The following LAMA2 variants were observed in gnomAD, a reference collection of about 807,000 sequenced individuals.
LAMA2 encodes the protein laminin subunit alpha-2.
In LAMA2, 269 loss-of-function variants were observed where a neutral mutation model predicts 364.8. The observed-to-expected ratio is 0.74, with a 90% confidence interval of 0.67 to 0.82. The LOEUF is 0.82. Ranked by LOEUF, LAMA2 falls within the 40% of genes least tolerant of loss-of-function variation. The pLI is 0.00. For synonymous variants in LAMA2, 1,379 were observed against 1,370.6 expected, an observed-to-expected ratio of 1.01 and a Z score of -0.14; for missense variants, 3,807 against 3,873.2, an observed-to-expected ratio of 0.98 and a Z score of 0.45.
At chr6:129,464,571 G>A in intron 50 of LAMA2, 119 bp downstream of exon 50, 1 of 916,036 alleles carries the variant, frequency 1.1e-6, no homozygotes, top group South Asian at 1.3e-5. Flanking sequence ...AAAAGCCTGG[G>A]ATGATTGTCT....
chr6:129,373,879 A>T (rs1304545319), intron 34 of LAMA2, among the ~76,000 whole-genome samples: 1 of 152,164 alleles, frequency 6.6e-6, no homozygotes, highest in Non-Finnish European at 1.5e-5. Context: ...GACCCTGATC[A>T]CCTGACTAAC....
intron 12 of LAMA2, among the ~76,000 whole-genome samples, chr6:129,220,633 T>C (rs1334253635): frequency 6.6e-6 from 1 of 152,246 alleles, no homozygotes; most frequent in African/African-American, 2.4e-5. Flanking sequence ...TTGAAGCTTT[T>C]TGTTAAATAT....
intron 1 of LAMA2, among the ~76,000 whole-genome samples, chr6:129,046,359 G>A (rs570164225): frequency 2.0e-5 from 3 of 152,256 alleles, no homozygotes; most frequent in African/African-American, 7.2e-5. Context: ...CACATGGCTG[G>A]GGAGGTCTCA....
intron 58 of LAMA2, among the ~76,000 whole-genome samples, chr6:129,497,553 G>A (rs1785285617): frequency 6.6e-6 from 1 of 152,180 alleles, no homozygotes; most frequent in African/African-American, 2.4e-5. Context: ...AGCTTTTTAA[G>A]AGTTGTTATT....
chr6:128,896,371 C>G (rs1311404742), intron 1 of LAMA2, among the ~76,000 whole-genome samples: 1 of 149,848 alleles, frequency 6.7e-6, no homozygotes, highest in Non-Finnish European at 1.5e-5. Flanking sequence ...GAATCCATGT[C>G]CTGGTCCTGC....
chr6:129,136,589 C>A (rs1432152127), intron 4 of LAMA2, among the ~76,000 whole-genome samples: 17 of 149,898 alleles, frequency 1.1e-4, no homozygotes, highest in African/African-American at 1.2e-4. Flanking sequence ...GCTGCACAAA[C>A]CTTTTAACTA....
At chr6:129,297,584 C>CTAAG in intron 20 of LAMA2, 101 bp from the exon 21 acceptor site, 1 of 1,101,424 alleles carries the variant, frequency 9.1e-7, no homozygotes, top group South Asian at 1.3e-5. Context: ...CTGATAACTC[C>CTAAG]TAAGTTCCTC....
intron 1 of LAMA2, among the ~76,000 whole-genome samples, chr6:128,944,076 T>C (rs1780344785): frequency 6.6e-6 from 1 of 152,190 alleles, no homozygotes; most frequent in Non-Finnish European, 1.5e-5. Flanking sequence ...CTTAGGGGGC[T>C]TAGTGGACAG....
At chr6:129,446,698 G>T (rs937470798) in intron 45 of LAMA2, among the ~76,000 whole-genome samples, 1 of 151,958 alleles carries the variant, frequency 6.6e-6, no homozygotes, top group Non-Finnish European at 1.5e-5. Flanking sequence ...AACAACTTTG[G>T]AACTAGGATG....
At chr6:129,106,149 G>T (rs528561599) in intron 4 of LAMA2, among the ~76,000 whole-genome samples, 1 of 149,402 alleles carries the variant, frequency 6.7e-6, no homozygotes, top group East Asian at 1.9e-4. Context: ...AAATCTTGAA[G>T]ACACTTTTTT....
At chr6:129,089,513 T>A (rs1487709569) in intron 3 of LAMA2, among the ~76,000 whole-genome samples, 1 of 152,224 alleles carries the variant, frequency 6.6e-6, no homozygotes, top group Non-Finnish European at 1.5e-5. Context: ...TCTGTGACAG[T>A]TTCATTGAAA....
At chr6:129,042,087 T>A (rs1787141044) in intron 1 of LAMA2, among the ~76,000 whole-genome samples, 1 of 151,004 alleles carries the variant, frequency 6.6e-6, no homozygotes, top group South Asian at 2.1e-4. Context: ...GGTGGATCAG[T>A]TGAGGTCAGG....
intron 40 of LAMA2, among the ~76,000 whole-genome samples, chr6:129,413,281 A>C (rs1780626369): frequency 6.6e-6 from 1 of 152,188 alleles, no homozygotes; most frequent in East Asian, 1.9e-4. Flanking sequence ...GGTCATAATA[A>C]CAAAGCCTAT....
At chr6:128,901,753 A>G (rs1582632411) in intron 1 of LAMA2, among the ~76,000 whole-genome samples, 1 of 152,218 alleles carries the variant, frequency 6.6e-6, no homozygotes, top group East Asian at 1.9e-4. Flanking sequence ...TTTTAAAAGA[A>G]GTATTTAATA....
intron 1 of LAMA2, among the ~76,000 whole-genome samples, chr6:128,908,798 C>G (rs1165742654): frequency 6.7e-6 from 1 of 149,884 alleles, no homozygotes; most frequent in Non-Finnish European, 1.5e-5. Context: ...CCTCTACACA[C>G]TGCTTTGAAT....
In LAMA2 at chr6:129,313,061, C is replaced by T; in HGVS notation, c.3375C>T (p.Cys1125=). 1.9e-6 allele frequency: 3 copies of T among 1,612,496 alleles called. No individual in the cohort carries two copies. Among genetic ancestry groups the T allele is most frequent in the Non-Finnish European group, 2.5e-6 (3 of 1,178,592 alleles). The change falls in exon 23 of 65, where the codon TGC becomes TGT. Residue 1125 remains cysteine, a synonymous_variant. Coordinates refer to ENST00000421865, the MANE Select transcript of LAMA2 (RefSeq NM_000426.4). ...ATTCDSETKK[C]SCSDQTGQCT... ...CCTGTGATTCAGAGACTAAAAAATG[C>T]TCCTGTAGTGATCAAACTGGGCAGT...
chr6:129,031,788 C>T (rs1174688165), intron 1 of LAMA2, among the ~76,000 whole-genome samples: 1 of 151,700 alleles, frequency 6.6e-6, no homozygotes, highest in African/African-American at 2.4e-5. Flanking sequence ...AACAGGCACA[C>T]AATTTATGTA....
In LAMA2 at chr6:129,328,431, C is replaced by T. The variant is rs1310346820; in HGVS notation, c.4311+19C>T. 1 of 1,613,974 alleles carries T rather than the reference C, an allele frequency of 6.2e-7. No homozygotes were observed. The highest frequency in any genetic ancestry group is 1.3e-5 in the African/African-American group (1 of 74,916). Reference sequence around the variant, plus strand: ...ATGCCAGGTAGTCCTCTGAGCCTTCCTTGAACAAGGTCCATGTGCTCATTC... The same window carrying T: ...ATGCCAGGTAGTCCTCTGAGCCTTCTTTGAACAAGGTCCATGTGCTCATTC... On this transcript the variant is annotated intron_variant, in intron 29 of 64. Transcript: ENST00000421865.
chr6:129,117,988 CTCATCT>C (rs1362678075), intron 4 of LAMA2, among the ~76,000 whole-genome samples: 1 of 152,092 alleles, frequency 6.6e-6, no homozygotes, highest in Non-Finnish European at 1.5e-5. Context: ...ATTCTTTAGA[CTCATCT>C]TATGTAGGAG....
Sources: gnomAD v4.1 joint callset for allele counts (sites outside exome capture counted in the v4.1 genomes callset) on GRCh38, gnomAD v4.1.1 for gene constraint, MANE v1.5 for transcripts, NCBI Gene and HGNC (gene_info 2026-07-23, HGNC 2026-07-21) for gene names.